The following CNTNAP5 variants were observed in gnomAD, a reference collection of about 807,000 sequenced individuals.
CNTNAP5 encodes contactin-associated protein-like 5.
CNTNAP5 carries 72 observed loss-of-function variants against 150.2 expected under a neutral mutation model. That is an observed-to-expected ratio of 0.48 (90% CI 0.40 to 0.58). CNTNAP5 has a LOEUF of 0.58. CNTNAP5 is among the 20% of genes least tolerant of loss of function. The probability of loss-of-function intolerance (pLI) is 0.00; values close to 1 mark genes in which losing one functional copy is unlikely to be tolerated. For missense variants in CNTNAP5, 1,636 were observed against 1,626.2 expected (o/e 1.01, Z -0.10); for synonymous variants, 672 against 619.8 (o/e 1.08, Z -1.25).
At chr2:124,462,291 T>C (rs142224482) in intron 6 of CNTNAP5, among the ~76,000 whole-genome samples, 31 of 152,284 alleles carry the variant, frequency 2.0e-4, no homozygotes, top group African/African-American at 7.5e-4. Context: ...GCTCTGCCTG[T>C]GTATAAGACA....
intron 13 of CNTNAP5, among the ~76,000 whole-genome samples, chr2:124,702,345 A>ATTTTTT (rs1679539092): frequency 1.4e-5 from 1 of 71,488 alleles, no homozygotes; most frequent in Non-Finnish European, 2.5e-5. Flanking sequence ...AACTATGAAC[A>ATTTTTT]CTTTTTTTTT....
chr2:124,361,047 A>C (rs1190778658), intron 3 of CNTNAP5, among the ~76,000 whole-genome samples: 2 of 123,004 alleles, frequency 1.6e-5, no homozygotes, highest in South Asian at 2.6e-4. Context: ...TTCTCGCTTC[A>C]TTTCATTCGT....
chr2:124,374,741 G>T (rs1690605674), intron 3 of CNTNAP5, among the ~76,000 whole-genome samples: 1 of 152,156 alleles, frequency 6.6e-6, no homozygotes, highest in Admixed American at 6.5e-5. Context: ...TTTCTAAACA[G>T]CATTCTCCAA....
chr2:124,764,107 A>C lies in CNTNAP5; in HGVS notation c.2493A>C (p.Glu831Asp). 6.2e-7 allele frequency: 1 copy of C among 1,613,188 alleles called. No individual in the cohort carries two copies. ...KTTALSGVFL[E>D]NLGIKDFIRL... ...CAGCATTATCCGGAGTTTTCCTAGA[A>C]AATCTTGGCATTAAAGACTTCATTC... Residue 831 changes from glutamate to aspartate, a missense_variant, in exon 16 of 24, where the codon GAA becomes GAC. Glu to Asp is a conservative substitution (Grantham distance 45). Coordinates refer to ENST00000682447, the MANE Select transcript of CNTNAP5 (RefSeq NM_001367498.1).
chr2:124,532,442 G>A (rs1695131895), intron 10 of CNTNAP5, among the ~76,000 whole-genome samples: 2 of 152,232 alleles, frequency 1.3e-5, no homozygotes, highest in South Asian at 4.1e-4. Flanking sequence ...TCAATTCCAG[G>A]AGCCATGTCC....
At chr2:124,425,767 T>C (rs986602895) in intron 4 of CNTNAP5, among the ~76,000 whole-genome samples, 16 of 152,226 alleles carry the variant, frequency 1.1e-4, no homozygotes, top group African/African-American at 3.6e-4. Flanking sequence ...GCATTTGCTA[T>C]GTCGCTGTTA....
At chr2:124,233,998 T>C (rs1011732777) in intron 2 of CNTNAP5, among the ~76,000 whole-genome samples, 1 of 152,118 alleles carries the variant, frequency 6.6e-6, no homozygotes, top group Admixed American at 6.6e-5. Flanking sequence ...GTGCATAAAG[T>C]ATATACTGCT....
intron 17 of CNTNAP5, among the ~76,000 whole-genome samples, chr2:124,776,183 A>T (rs983204599): frequency 1.3e-5 from 2 of 152,174 alleles, no homozygotes; most frequent in Non-Finnish European, 2.9e-5. Context: ...GATCTTTCAA[A>T]ATATGCGGCA....
chr2:124,460,518 C>G (rs116361078), intron 6 of CNTNAP5, among the ~76,000 whole-genome samples: 2 of 152,010 alleles, frequency 1.3e-5, no homozygotes, highest in Non-Finnish European at 2.9e-5. Context: ...CTAGTCCAGC[C>G]ATAGAATTTA....
intron 21 of CNTNAP5, among the ~76,000 whole-genome samples, chr2:124,884,720 G>A (rs575968126): frequency 6.6e-6 from 1 of 152,040 alleles, no homozygotes; most frequent in African/African-American, 2.4e-5. Flanking sequence ...GGATGTCAGG[G>A]TCTACTAGGT....
At chr2:124,359,490 T>A (rs1690134165) in intron 3 of CNTNAP5, among the ~76,000 whole-genome samples, 2 of 151,718 alleles carry the variant, frequency 1.3e-5, no homozygotes, top group African/African-American at 4.9e-5. Flanking sequence ...GTCACAGAGA[T>A]TCTGGTATGT....
intron 3 of CNTNAP5, among the ~76,000 whole-genome samples, chr2:124,265,190 G>A (rs1435523397): frequency 6.6e-6 from 1 of 152,190 alleles, no homozygotes. Context: ...GGTGCACAAG[G>A]ATGTGAATAA....
chr2:124,271,024 G>C (rs955224638), intron 3 of CNTNAP5, among the ~76,000 whole-genome samples: 1 of 152,040 alleles, frequency 6.6e-6, no homozygotes, highest in Non-Finnish European at 1.5e-5. Flanking sequence ...AGCCCTTGGA[G>C]CTGCTGGTCT....
chr2:124,034,275 C>T (rs1373430803), intron 1 of CNTNAP5, among the ~76,000 whole-genome samples: 2 of 152,150 alleles, frequency 1.3e-5, no homozygotes, highest in African/African-American at 2.4e-5. Flanking sequence ...AATCATTATA[C>T]CTGTTATAAT....
At chr2:124,507,140 G>A (rs1027741400) in intron 8 of CNTNAP5, among the ~76,000 whole-genome samples, 1 of 152,094 alleles carries the variant, frequency 6.6e-6, no homozygotes, top group African/African-American at 2.4e-5. Context: ...ATTATAGAAA[G>A]AACTGGCGTT....
intron 13 of CNTNAP5, among the ~76,000 whole-genome samples, chr2:124,648,640 AAAAAC>A (rs1240341698): frequency 6.6e-6 from 1 of 152,244 alleles, no homozygotes; most frequent in Non-Finnish European, 1.5e-5. Flanking sequence ...GAAAAGGAAA[AAAAAC>A]AAAACAAAAC....
chr2:124,455,158 TA>T (rs1693091510), intron 6 of CNTNAP5, among the ~76,000 whole-genome samples: 1 of 151,094 alleles, frequency 6.6e-6, no homozygotes, highest in African/African-American at 2.4e-5. Flanking sequence ...TTAGCAAGAT[TA>T]ACCAAAAAAA....
intron 1 of CNTNAP5, among the ~76,000 whole-genome samples, chr2:124,042,543 T>A (rs888668270): frequency 6.6e-6 from 1 of 152,154 alleles, no homozygotes; most frequent in East Asian, 1.9e-4. Flanking sequence ...TATCCTGGAC[T>A]TGGGGTACGT....
At chr2:124,854,385 G>A (rs2104706683) in intron 19 of CNTNAP5, among the ~76,000 whole-genome samples, 1 of 152,268 alleles carries the variant, frequency 6.6e-6, no homozygotes, top group East Asian at 1.9e-4. Flanking sequence ...TACTTGTGGA[G>A]TTTTTATACC....
Sources: gnomAD v4.1 joint callset for allele counts (sites outside exome capture counted in the v4.1 genomes callset) on GRCh38, gnomAD v4.1.1 for gene constraint, MANE v1.5 for transcripts, NCBI Gene and HGNC (gene_info 2026-07-23, HGNC 2026-07-21) for gene names.